CACNB4: variants seen among roughly 807,000 people sequenced by gnomAD.
The protein encoded by CACNB4 is calcium voltage-gated channel auxiliary subunit beta 4, also known as voltage-dependent L-type calcium channel subunit beta-4.
A neutral mutation model predicts 71.2 loss-of-function variants in CACNB4; 32 were observed. The ratio of observed to expected loss-of-function variants is 0.45; its 90% CI spans 0.34 to 0.60. The LOEUF is 0.60. Ranked by LOEUF, CACNB4 falls within the 20% of genes least tolerant of loss-of-function variation. The pLI is 0.01. For synonymous variants in CACNB4, 231 were observed against 236.9 expected (o/e 0.97, Z 0.23); for missense variants, 464 against 647.9 (o/e 0.72, Z 3.08).
intron 2 of CACNB4, among the ~76,000 whole-genome samples, chr2:151,966,135 T>C (rs1164769956): frequency 1.3e-5 from 2 of 152,230 alleles, no homozygotes; most frequent in Admixed American, 1.3e-4. Context: ...TAGAAAATGA[T>C]CTACTCAAAT....
At chr2:151,898,954 T>C (rs2099852742) in intron 2 of CACNB4, among the ~76,000 whole-genome samples, 1 of 152,228 alleles carries the variant, frequency 6.6e-6, no homozygotes. Context: ...AGGCAGGATG[T>C]CCATTCAGTG....
At chr2:152,005,553 A>G (rs1682675489) in intron 2 of CACNB4, among the ~76,000 whole-genome samples, 1 of 152,188 alleles carries the variant, frequency 6.6e-6, no homozygotes, top group African/African-American at 2.4e-5. Context: ...AAAACTTCCT[A>G]TTGGGTACTA....
At chr2:152,013,514 T>A (rs1025253747) in intron 2 of CACNB4, among the ~76,000 whole-genome samples, 1 of 152,056 alleles carries the variant, frequency 6.6e-6, no homozygotes, top group African/African-American at 2.4e-5. Flanking sequence ...CTGGAGCCCA[T>A]TAGCCTGTGT....
chr2:152,014,215 C>T (rs1316484777), intron 2 of CACNB4, among the ~76,000 whole-genome samples: 5 of 151,428 alleles, frequency 3.3e-5, no homozygotes, highest in Admixed American at 6.6e-5. Flanking sequence ...GGCATGGTGA[C>T]GGACACCTGT....
At chr2:152,053,550 G>T (rs1685560632) in intron 2 of CACNB4, among the ~76,000 whole-genome samples, 1 of 147,740 alleles carries the variant, frequency 6.8e-6, no homozygotes, top group Admixed American at 6.7e-5. Context: ...TTGAAACAAG[G>T]TCTTGCTCTG....
At chr2:152,080,498 TG>T (rs376548838) in intron 2 of CACNB4, among the ~76,000 whole-genome samples, 1 of 152,296 alleles carries the variant, frequency 6.6e-6, no homozygotes, top group African/African-American at 2.4e-5. Flanking sequence ...GGGAAATTTG[TG>T]TAGTTTTCTT....
intron 2 of CACNB4, among the ~76,000 whole-genome samples, chr2:152,079,128 G>A (rs916875446): frequency 2.6e-5 from 4 of 151,940 alleles, no homozygotes; most frequent in East Asian, 1.9e-4. Flanking sequence ...TCACTCTGTC[G>A]CCCAGGCTGG....
At chr2:152,050,823 C>T (rs928227495) in intron 2 of CACNB4, among the ~76,000 whole-genome samples, 41 of 152,150 alleles carry the variant, frequency 2.7e-4, no homozygotes, top group African/African-American at 9.6e-4. Context: ...GGCTGGAGTG[C>T]AGTGGCACAA....
intron 2 of CACNB4, among the ~76,000 whole-genome samples, chr2:152,042,975 A>T (rs988407431): frequency 3.3e-5 from 5 of 152,132 alleles, no homozygotes; most frequent in Non-Finnish European, 5.9e-5. Flanking sequence ...TGCTAATTAC[A>T]ATGCATTAGC....
At chr2:152,045,163 T>A (rs1434156901) in intron 2 of CACNB4, among the ~76,000 whole-genome samples, 1 of 152,028 alleles carries the variant, frequency 6.6e-6, no homozygotes, top group East Asian at 1.9e-4. Flanking sequence ...CATTGGCCAA[T>A]TTTTTTTCAG....
At chr2:151,986,439 T>G (rs1226821417) in intron 2 of CACNB4, among the ~76,000 whole-genome samples, 1 of 152,108 alleles carries the variant, frequency 6.6e-6, no homozygotes, top group Non-Finnish European at 1.5e-5. Context: ...TATGATGAGG[T>G]TTACCAAGAT....
At chr2:152,015,608 A>T (rs1683299750) in intron 2 of CACNB4, among the ~76,000 whole-genome samples, 1 of 152,250 alleles carries the variant, frequency 6.6e-6, no homozygotes, top group South Asian at 2.1e-4. Context: ...GCAAAAATGT[A>T]CGTTACTTCT....
rs539694000 is a variant in CACNB4 at position 152,062,822 on chromosome 2, G to T, written c.147+35508C>A. 4.6e-5 allele frequency among the ~76,000 whole-genome samples: 7 copies of T among 152,332 alleles called. No homozygotes were observed. In the South Asian group the frequency reaches 1.4e-3, roughly 32 times the overall value. On this transcript the variant is annotated intron_variant, in intron 2 of 13. Transcript: ENST00000539935. The stretch of plus-strand genomic sequence containing the variant: ...ACCTGTGTAATGCCAAATTAGGAAG[G>T]AAACAGAGCAGAAGACAAGACATGA...
intron 2 of CACNB4, among the ~76,000 whole-genome samples, chr2:152,045,927 G>T (rs953795454): frequency 6.6e-6 from 1 of 152,176 alleles, no homozygotes; most frequent in African/African-American, 2.4e-5. Flanking sequence ...GGGATGAAAA[G>T]TTCTGATAAA....
At chr2:152,002,460 G>A (rs929143821) in intron 2 of CACNB4, among the ~76,000 whole-genome samples, 1 of 152,070 alleles carries the variant, frequency 6.6e-6, no homozygotes, top group Admixed American at 6.5e-5. Context: ...CAGCGACCAT[G>A]GCCTAAATAG....
At chr2:152,027,834 C>CAGAGTGA (rs1426535011) in intron 2 of CACNB4, among the ~76,000 whole-genome samples, 1 of 118,164 alleles carries the variant, frequency 8.5e-6, no homozygotes, top group Non-Finnish European at 1.6e-5. Context: ...GCCCGGGCGA[C>CAGAGTGA]AGAGTGAGAC....
At chr2:152,076,136 CT>C (rs35400714) in intron 2 of CACNB4, among the ~76,000 whole-genome samples, 3,790 of 71,172 alleles carry the variant, frequency 0.053, 30 homozygotes, top group African/African-American at 0.13. Flanking sequence ...CACCTCTTTT[CT>C]TTTTTTTTTT....
chr2:151,848,233 T>C (rs183561226), intron 12 of CACNB4, among the ~76,000 whole-genome samples: 1 of 152,340 alleles, frequency 6.6e-6, no homozygotes, highest in Admixed American at 6.5e-5. Context: ...CCAAGTCCAG[T>C]GGCTGAAATC....
chr2:151,914,704 G>T (rs1222354746), intron 2 of CACNB4, among the ~76,000 whole-genome samples: 1 of 146,626 alleles, frequency 6.8e-6, no homozygotes, highest in Non-Finnish European at 1.5e-5. Context: ...CTTTCTGCTT[G>T]TTTGTTTTTC....
Sources: gnomAD v4.1 joint callset for allele counts (sites outside exome capture counted in the v4.1 genomes callset) on GRCh38, gnomAD v4.1.1 for gene constraint, MANE v1.5 for transcripts, NCBI Gene and HGNC (gene_info 2026-07-23, HGNC 2026-07-21) for gene names.